Variants in NHSL1 observed in about 807,000 individuals in gnomAD.
NHSL1 encodes NHS-like protein 1.
In NHSL1, 48 loss-of-function variants were observed where a neutral mutation model predicts 95.0. That is an observed-to-expected ratio of 0.51 (90% confidence interval 0.40 to 0.64). The LOEUF is 0.64. Ranked by LOEUF, NHSL1 falls within the 30% of genes least tolerant of loss-of-function variation. The pLI, the probability that NHSL1 is intolerant of heterozygous loss-of-function variation, is 0.00. For missense variants in NHSL1, 1,971 were observed against 2,077.7 expected (o/e 0.95, Z 1.00); for synonymous variants, 783 against 833.9 (o/e 0.94, Z 1.05).
chr6:138,472,007 C>T (rs934390269), intron 3 of NHSL1, among the ~76,000 whole-genome samples: 1 of 151,996 alleles, frequency 6.6e-6, no homozygotes, highest in Non-Finnish European at 1.5e-5. Context: ...TATGGTGAAA[C>T]CCCGTATCTA....
chr6:138,588,552 AC>A (rs1259444815), intron 1 of NHSL1, among the ~76,000 whole-genome samples: 17 of 152,160 alleles, frequency 1.1e-4, no homozygotes, highest in African/African-American at 3.9e-4. Flanking sequence ...CCAAGGTCAT[AC>A]CCCTCCAACA....
rs67335375 is a variant in NHSL1, at chr6:138,523,627, G to GAAAAAAAA, written c.16+21988_16+21995dup. Among the ~76,000 whole-genome samples the GAAAAAAAA allele has an allele frequency of 1.6e-3, 101 of 64,922 alleles. 4 individuals carry two copies. Among genetic ancestry groups the GAAAAAAAA allele is most frequent in the South Asian group, 2.4e-3 (4 of 1,638 alleles). The allele number at this position is 64,922 out of a possible 152,430, so 42.6% of individuals were successfully genotyped here. On this transcript the variant is annotated intron_variant, in intron 1 of 4. Transcript: ENST00000342260. ...CCCAGCCTAGAGATGTTTTAAAGAG[G>GAAAAAAAA]AAAAAAAAAAAAAAAAAAAAAAAAA... is the stretch of plus-strand genomic sequence containing the variant.
At chr6:138,633,320 A>G (rs1181737496) in intron 1 of NHSL1, among the ~76,000 whole-genome samples, 2 of 152,218 alleles carry the variant, frequency 1.3e-5, no homozygotes, top group African/African-American at 4.8e-5. Context: ...CTAGATGAAG[A>G]TATCACTAGC....
intron 2 of NHSL1, among the ~76,000 whole-genome samples, chr6:138,491,942 T>C (rs187982490): frequency 6.6e-6 from 1 of 152,312 alleles, no homozygotes; most frequent in East Asian, 1.9e-4. Context: ...ATTTCTAATT[T>C]TCAGATTAGG....
chr6:138,519,844 T>G (rs1212875186), intron 1 of NHSL1, among the ~76,000 whole-genome samples: 3 of 152,230 alleles, frequency 2.0e-5, no homozygotes, highest in African/African-American at 7.2e-5. Flanking sequence ...TTTATATTAC[T>G]GAAATACTCT....
chr6:138,494,014 C>T (rs780169239), intron 2 of NHSL1, among the ~76,000 whole-genome samples: 2 of 152,112 alleles, frequency 1.3e-5, no homozygotes, highest in African/African-American at 4.8e-5. Context: ...CTATGAGATA[C>T]AAGATACTGG....
intron 1 of NHSL1, among the ~76,000 whole-genome samples, chr6:138,539,592 A>G (rs1427306414): frequency 6.6e-6 from 1 of 152,244 alleles, no homozygotes; most frequent in Non-Finnish European, 1.5e-5. Context: ...GGGGCCTAAA[A>G]AAGACAAACA....
At chr6:138,531,889 A>G (rs1343124622) in intron 1 of NHSL1, among the ~76,000 whole-genome samples, 1 of 152,208 alleles carries the variant, frequency 6.6e-6, no homozygotes, top group African/African-American at 2.4e-5. Context: ...AATTATTAAC[A>G]AAGTAATATA....
chr6:138,595,424 A>G (rs1306130764), intron 1 of NHSL1, among the ~76,000 whole-genome samples: 1 of 152,084 alleles, frequency 6.6e-6, no homozygotes, highest in Non-Finnish European at 1.5e-5. Flanking sequence ...AAATATTTAA[A>G]AATTAGTTGG....
At chr6:138,594,293 G>C (rs892844524) in intron 1 of NHSL1, among the ~76,000 whole-genome samples, 10 of 152,106 alleles carry the variant, frequency 6.6e-5, no homozygotes, top group African/African-American at 2.4e-4. Context: ...GGACAAGGTG[G>C]GAGTATCTAT....
At chr6:138,679,389 T>A (rs1011508331) in intron 1 of NHSL1, among the ~76,000 whole-genome samples, 1 of 152,244 alleles carries the variant, frequency 6.6e-6, no homozygotes, top group Non-Finnish European at 1.5e-5. Context: ...AGGAGACAAC[T>A]AACTTTTTTG....
chr6:138,684,187 G>T, intron 1 of NHSL1, among the ~76,000 whole-genome samples: 1 of 147,956 alleles, frequency 6.8e-6, no homozygotes, highest in East Asian at 2.0e-4. Flanking sequence ...ACTCCAGCCT[G>T]GGAGACAGAG....
chr6:138,506,431 A>G (rs1162273637), intron 1 of NHSL1, among the ~76,000 whole-genome samples: 1 of 152,212 alleles, frequency 6.6e-6, no homozygotes, highest in East Asian at 1.9e-4. Flanking sequence ...TAATACAGTC[A>G]ATAAATGTGT....
intron 1 of NHSL1, among the ~76,000 whole-genome samples, chr6:138,684,878 G>C (rs577077727): frequency 2.0e-5 from 3 of 152,276 alleles, no homozygotes; most frequent in Admixed American, 2.0e-4. Flanking sequence ...ATTCATTCCA[G>C]GATAGAAACC....
chr6:138,643,855 G>A (rs1784985738), intron 1 of NHSL1, among the ~76,000 whole-genome samples: 1 of 152,010 alleles, frequency 6.6e-6, no homozygotes, highest in Non-Finnish European at 1.5e-5. Flanking sequence ...AAAGTTAGCT[G>A]GGCATGGTGA....
At chr6:138,630,107 T>C (rs979650135) in intron 1 of NHSL1, among the ~76,000 whole-genome samples, 27 of 152,146 alleles carry the variant, frequency 1.8e-4, no homozygotes, top group African/African-American at 6.5e-4. Context: ...CTAAGCTACT[T>C]GGGAGGCTGA....
upstream of NHSL1, among the ~76,000 whole-genome samples, chr6:138,503,441 T>TA (rs1780793399): frequency 6.6e-6 from 1 of 152,186 alleles, no homozygotes; most frequent in African/African-American, 2.4e-5. Flanking sequence ...TGATTTTTTT[T>TA]AAAGTAAAAG....
intron 1 of NHSL1, among the ~76,000 whole-genome samples, chr6:138,630,400 T>G (rs547976851): frequency 2.9e-4 from 44 of 152,280 alleles, no homozygotes; most frequent in Middle Eastern, 3.4e-3. Context: ...TTTTGTTTGT[T>G]TGTTTTACTG....
intron 7 of NHSL1, among the ~76,000 whole-genome samples, chr6:138,429,500 C>T (rs553181424): frequency 3.9e-5 from 6 of 152,080 alleles, no homozygotes; most frequent in Non-Finnish European, 7.4e-5. Context: ...CCACTGTCCC[C>T]AATGTCATAA....
Sources: gnomAD v4.1 joint callset for allele counts (sites outside exome capture counted in the v4.1 genomes callset) on GRCh38, gnomAD v4.1.1 for gene constraint, MANE v1.5 for transcripts, NCBI Gene and HGNC (gene_info 2026-07-23, HGNC 2026-07-21) for gene names.